Variants in LOC122539214 observed in about 807,000 individuals in gnomAD.
the LOC122539214 span, among the ~76,000 whole-genome samples, chr19:52,673,500 T>TCA: frequency 0.25 from 36,683 of 148,700 alleles, 4,652 homozygotes; most frequent in Non-Finnish European, 0.29. Flanking sequence ...TGTAACTCCA[T>TCA]CACACACACA....
the LOC122539214 span, among the ~76,000 whole-genome samples, chr19:52,687,571 A>G: frequency 5.5e-5 from 2 of 36,472 alleles, no homozygotes; most frequent in African/African-American, 2.4e-4. Context: ...TTATATATAT[A>G]TAAATTTTAT....
the LOC122539214 span, among the ~76,000 whole-genome samples, chr19:52,663,977 C>T: frequency 6.6e-6 from 1 of 152,174 alleles, no homozygotes; most frequent in Admixed American, 6.5e-5. Context: ...ACCTCCACCT[C>T]CCGGATTCAA....
At chr19:52,680,674 G>T in the LOC122539214 span, among the ~76,000 whole-genome samples, 5 of 133,822 alleles carry the variant, frequency 3.7e-5, no homozygotes, top group African/African-American at 6.2e-5. Flanking sequence ...GTGCAGTGGC[G>T]CGATCTCGGC....
the LOC122539214 span, among the ~76,000 whole-genome samples, chr19:52,681,799 G>A: frequency 5.3e-5 from 8 of 152,134 alleles, no homozygotes; most frequent in African/African-American, 1.7e-4. Context: ...CATCCTACAA[G>A]GTCATTGAAT....
the LOC122539214 span, chr19:52,653,257 T>A: frequency 6.6e-7 from 1 of 1,508,788 alleles, no homozygotes; most frequent in East Asian, 2.3e-5. Flanking sequence ...ATGAAGCCTA[T>A]AATGACATGC....
chr19:52,683,428 C>G, the LOC122539214 span, among the ~76,000 whole-genome samples: 1 of 151,670 alleles, frequency 6.6e-6, no homozygotes. Context: ...CACGGAGCCT[C>G]CAGCTCCTCC....
the LOC122539214 span, among the ~76,000 whole-genome samples, chr19:52,679,725 C>T: frequency 2.0e-5 from 3 of 152,158 alleles, no homozygotes; most frequent in Admixed American, 6.6e-5. Flanking sequence ...GTTTCCAGGG[C>T]GCCTCTGCCT....
chr19:52,655,653 A>G, the LOC122539214 span: 3 of 1,350,378 alleles, frequency 2.2e-6, no homozygotes, highest in Non-Finnish European at 3.2e-6. Context: ...CTCCAAAGAG[A>G]ATTCTATAGC....
the LOC122539214 span, among the ~76,000 whole-genome samples, chr19:52,658,919 T>C: frequency 6.6e-6 from 1 of 152,216 alleles, no homozygotes; most frequent in Admixed American, 6.5e-5. Flanking sequence ...CAAGTGTGTT[T>C]ACTCAAACTT....
the LOC122539214 span, chr19:52,652,608 A>G: frequency 2.2e-6 from 1 of 444,570 alleles, no homozygotes; most frequent in South Asian, 1.8e-5. Flanking sequence ...GCTATGAACA[A>G]TGTCTGAAAT....
chr19:52,660,499 T>A, the LOC122539214 span, among the ~76,000 whole-genome samples: 1 of 148,454 alleles, frequency 6.7e-6, no homozygotes, highest in Non-Finnish European at 1.5e-5. Flanking sequence ...ACACCTATAA[T>A]CACAGCTGCT....
chr19:52,664,414 T>C, the LOC122539214 span, among the ~76,000 whole-genome samples: 1 of 151,986 alleles, frequency 6.6e-6, no homozygotes, highest in African/African-American at 2.4e-5. Flanking sequence ...GAGGATCCGT[T>C]GAACCCAGGA....
the LOC122539214 span, among the ~76,000 whole-genome samples, chr19:52,690,182 G>GAAAAA: frequency 5.3e-5 from 7 of 132,180 alleles, no homozygotes; most frequent in Admixed American, 7.8e-5. Context: ...ATGATTTTGA[G>GAAAAA]AAAAAAAAAA....
At chr19:52,657,707 T>G in the LOC122539214 span, among the ~76,000 whole-genome samples, 1 of 151,650 alleles carries the variant, frequency 6.6e-6, no homozygotes, top group Non-Finnish European at 1.5e-5. Context: ...ATTAGCCAGA[T>G]GTGGTGGTGC....
At chr19:52,670,252 AC>A in the LOC122539214 span, among the ~76,000 whole-genome samples, 2 of 151,690 alleles carry the variant, frequency 1.3e-5, no homozygotes, top group Non-Finnish European at 2.9e-5. Context: ...CTCATTCTCC[AC>A]CCTCATTCCA....
chr19:52,663,805 A>C, the LOC122539214 span, among the ~76,000 whole-genome samples: 1 of 152,400 alleles, frequency 6.6e-6, no homozygotes, highest in Non-Finnish European at 1.5e-5. Flanking sequence ...AAGAAAATTC[A>C]AAACACATAT....
the LOC122539214 span, among the ~76,000 whole-genome samples, chr19:52,683,502 A>C: frequency 2.7e-5 from 1 of 37,706 alleles, no homozygotes; most frequent in African/African-American, 2.5e-4. Context: ...CCTTCTCCCC[A>C]CCCTTCCTGA....
the LOC122539214 span, among the ~76,000 whole-genome samples, chr19:52,688,219 G>T: frequency 1.3e-5 from 2 of 152,064 alleles, no homozygotes; most frequent in Non-Finnish European, 2.9e-5. Flanking sequence ...TGACCAGGCT[G>T]CAGTGCAGTG....
the LOC122539214 span, among the ~76,000 whole-genome samples, chr19:52,664,562 T>G: frequency 2.0e-5 from 3 of 152,038 alleles, no homozygotes; most frequent in Non-Finnish European, 2.9e-5. Flanking sequence ...CTAAGGCCAA[T>G]TAACACGAAC....
Sources: gnomAD v4.1 joint callset for allele counts (sites outside exome capture counted in the v4.1 genomes callset) on GRCh38, gnomAD v4.1.1 for gene constraint, MANE v1.5 for transcripts.